The following VSIG1 variants were observed in gnomAD, a reference collection of about 807,000 sequenced individuals.
VSIG1 encodes the protein V-set and immunoglobulin domain containing 1, also known as V-set and immunoglobulin domain-containing protein 1.
VSIG1 carries 11 observed loss-of-function variants against 20.1 expected under a neutral mutation model. That is an observed-to-expected ratio of 0.55 (90% CI 0.34 to 0.91). VSIG1 has a LOEUF of 0.91. Ranked by LOEUF, VSIG1 falls within the 40% of genes least tolerant of loss-of-function variation. The pLI is 0.02. For missense variants in VSIG1, 283 were observed against 298.8 expected, an observed-to-expected ratio of 0.95 and a Z score of 0.39; for synonymous variants, 126 against 116.7, an observed-to-expected ratio of 1.08 and a Z score of -0.52.
chrX:108,034,501 G>A, the VSIG1 span, among the ~76,000 whole-genome samples: 1 of 111,461 alleles, frequency 9.0e-6, no homozygotes, highest in Non-Finnish European at 1.9e-5. Context: ...TGCCTGGATG[G>A]CCACATCTAC....
At chrX:108,074,545 T>C (rs771368696) in intron 5 of VSIG1, among the ~76,000 whole-genome samples, 3 of 111,806 alleles carry the variant, frequency 2.7e-5, no homozygotes, top group Admixed American at 9.5e-5. Flanking sequence ...GTGATAAAGA[T>C]ACAGAGATAA....
the VSIG1 span, among the ~76,000 whole-genome samples, chrX:108,039,661 G>A: frequency 9.0e-6 from 1 of 111,170 alleles, no homozygotes; most frequent in East Asian, 2.8e-4. Context: ...CCAGTTAGGA[G>A]GCTATAGCCA....
chrX:108,046,417 A>G (rs111624664), intron 1 of VSIG1, among the ~76,000 whole-genome samples: 125 of 111,424 alleles, frequency 1.1e-3, no homozygotes, highest in African/African-American at 3.8e-3. Flanking sequence ...CTCTTCTTAA[A>G]GGGTTTCCAG....
chrX:108,061,636 G>A, intron 2 of VSIG1: 2 of 673,307 alleles, frequency 3.0e-6, no homozygotes, highest in Admixed American at 2.8e-5. Flanking sequence ...TCTGACTTTG[G>A]TAACAATCAA....
At chrX:108,025,796 T>C in the VSIG1 span, among the ~76,000 whole-genome samples, 1 of 112,842 alleles carries the variant, frequency 8.9e-6, no homozygotes, top group Non-Finnish European at 1.9e-5. Flanking sequence ...TTAATTATAG[T>C]CCTGGTAAAA....
At chrX:108,043,331 G>A (rs1014026236), upstream of VSIG1, among the ~76,000 whole-genome samples, 6 of 111,770 alleles carry the variant, frequency 5.4e-5, no homozygotes, top group African/African-American at 9.8e-5. Context: ...GAGTTCTTGC[G>A]TGCAGTCAAC....
intron 1 of VSIG1, among the ~76,000 whole-genome samples, chrX:108,049,776 G>T (rs1343041488): frequency 8.9e-6 from 1 of 111,898 alleles, no homozygotes; most frequent in Non-Finnish European, 1.9e-5. Flanking sequence ...AAAGACATTT[G>T]GAAGTCATCA....
upstream of VSIG1, chrX:108,045,046 C>T: frequency 5.9e-6 from 5 of 845,364 alleles, no homozygotes; most frequent in Non-Finnish European, 8.1e-6. Context: ...AGGCAAACCT[C>T]GGTGTGATCG....
chrX:108,028,613 C>T, the VSIG1 span, among the ~76,000 whole-genome samples: 3 of 110,800 alleles, frequency 2.7e-5, no homozygotes, highest in Non-Finnish European at 5.7e-5. Context: ...TTGAGGGAAG[C>T]CCCATAGGAT....
At chrX:108,064,565 C>T (rs1224680748) in intron 2 of VSIG1, 13 of 152,433 alleles carry the variant, frequency 8.5e-5, no homozygotes, top group Non-Finnish European at 9.9e-5. Flanking sequence ...CCATTTTGGC[C>T]TCAAGATCTC....
In VSIG1 at chrX:108,047,947, TATATATAC is replaced by T. The variant is rs1569287366; in HGVS notation, c.49+2770_49+2777del. ...ATATATATATATACACATATATATA[TATATATAC>T]ACACACATATATATATATATATATA... On this transcript the variant is annotated intron_variant, in intron 1 of 6. Coordinates refer to ENST00000217957, the MANE Select transcript of VSIG1 (RefSeq NM_182607.5). Among the ~76,000 whole-genome samples, 28 of 34,228 alleles carry T rather than the reference TATATATAC, an allele frequency of 8.2e-4. 3 individuals carry two copies. The highest frequency in any genetic ancestry group is 7.1e-3 in the East Asian group (8 of 1,127). 29.7% of individuals were successfully genotyped at this position (34,228 alleles called of 115,157 possible). A position where few individuals can be genotyped will look rare whatever the true frequency, so the allele number is the denominator to read the frequency against.
At chrX:108,070,567 A>G (rs1410154584) in intron 3 of VSIG1, among the ~76,000 whole-genome samples, 1 of 112,330 alleles carries the variant, frequency 8.9e-6, no homozygotes, top group Non-Finnish European at 1.9e-5. Flanking sequence ...CTGGTGTCCA[A>G]CTTTGTGATG....
chrX:108,031,217 T>G, the VSIG1 span, among the ~76,000 whole-genome samples: 369 of 112,251 alleles, frequency 3.3e-3, 5 homozygotes, highest in East Asian at 0.049. Flanking sequence ...AGGCTGCATC[T>G]GAGCTGGGCC....
At chrX:108,071,135 C>T (rs895495795) in intron 3 of VSIG1, among the ~76,000 whole-genome samples, 1 of 111,500 alleles carries the variant, frequency 9.0e-6, no homozygotes, top group African/African-American at 3.3e-5. Flanking sequence ...TTACAAAGCC[C>T]GTATTCTGTG....
At chrX:108,026,813 A>G in the VSIG1 span, among the ~76,000 whole-genome samples, 1 of 111,866 alleles carries the variant, frequency 8.9e-6, no homozygotes, top group Non-Finnish European at 1.9e-5. Context: ...AAAGTTCTCA[A>G]GTTAAACAAT....
chrX:108,075,768 C>A (rs1335164049), intron 5 of VSIG1, among the ~76,000 whole-genome samples: 1 of 111,739 alleles, frequency 8.9e-6, no homozygotes, highest in African/African-American at 3.3e-5. Context: ...CTGCCTGTAA[C>A]AGAGGCTTAT....
intron 2 of VSIG1, among the ~76,000 whole-genome samples, chrX:108,060,143 C>T (rs1569290136): frequency 9.0e-6 from 1 of 111,175 alleles, no homozygotes; most frequent in Non-Finnish European, 1.9e-5. Flanking sequence ...CTTAGAAGCA[C>T]TTTTAAAAAA....
At chrX:108,020,149 C>T in the VSIG1 span, among the ~76,000 whole-genome samples, 271 of 112,128 alleles carry the variant, frequency 2.4e-3, no homozygotes, top group Non-Finnish European at 4.0e-3. Context: ...ACCATTTGAA[C>T]GCCTCACCAG....
rs750797367 is a variant in VSIG1, at chrX:108,067,045, C to T, written c.323C>T (p.Pro108Leu). Residue 108 changes from proline to leucine, a missense_variant, in exon 3 of 7, where the codon CCA becomes CTA. Pro to Leu is a moderately conservative substitution (Grantham distance 98). Transcript: ENST00000217957. ...TCTATCACTATCTCGCATATGCAGC[C>T]AGCAGACAGTGGAATTTACATCTGC... is the stretch of plus-strand genomic sequence containing the variant. ...NASITISHMQPADSGIYICDV... is the reference protein window; with the variant it reads ...NASITISHMQLADSGIYICDV... 4.1e-6 allele frequency: 5 copies of T among 1,211,484 alleles called. No homozygotes were observed. Among genetic ancestry groups the T allele is most frequent in the Non-Finnish European group, 5.6e-6 (5 of 895,317 alleles).
Sources: allele counts gnomAD v4.1 joint callset (sites outside exome capture counted in the v4.1 genomes callset), GRCh38; gene constraint gnomAD v4.1.1; transcripts MANE v1.5; gene names NCBI Gene and HGNC (gene_info 2026-07-23, HGNC 2026-07-21).